TBCD: variants seen among roughly 807,000 people sequenced by gnomAD.
TBCD encodes tubulin-specific chaperone D.
A neutral mutation model predicts 169.3 loss-of-function variants in TBCD; 105 were observed. That is an observed-to-expected ratio of 0.62 (90% CI 0.53 to 0.73). TBCD has a LOEUF of 0.73. Ranked by LOEUF, TBCD falls within the 30% of genes least tolerant of loss-of-function variation. The pLI, the probability that TBCD is intolerant of heterozygous loss-of-function variation, is 0.00. For missense variants in TBCD, 1,444 were observed against 1,600.1 expected (o/e 0.90, Z 1.66); for synonymous variants, 700 against 643.9 (o/e 1.09, Z -1.32).
chr17:82,795,023 C>A (rs910771855), intron 7 of TBCD, among the ~76,000 whole-genome samples: 1 of 152,190 alleles, frequency 6.6e-6, no homozygotes, highest in African/African-American at 2.4e-5. Flanking sequence ...TGGGCCTTTC[C>A]AGGTGTGGGG....
intron 2 of TBCD, 22 bp downstream of exon 2, chr17:82,756,237 T>C (rs747345622): frequency 1.9e-6 from 3 of 1,600,552 alleles, no homozygotes; most frequent in Non-Finnish European, 2.6e-6. Context: ...AGCTGCTGAT[T>C]TTGATCATTC....
intron 5 of TBCD, among the ~76,000 whole-genome samples, chr17:82,772,106 A>G (rs2048341244): frequency 6.6e-6 from 1 of 152,150 alleles, no homozygotes; most frequent in South Asian, 2.1e-4. Context: ...GCTGGAAGGC[A>G]TATTAGGTGC....
chr17:82,878,212 C>G (rs1335018912), intron 14 of TBCD, among the ~76,000 whole-genome samples: 2 of 152,216 alleles, frequency 1.3e-5, no homozygotes, highest in African/African-American at 4.8e-5. Flanking sequence ...GCCTCCTCTG[C>G]TCTGTGAGCT....
At chr17:82,848,477 G>A (rs933447246) in intron 13 of TBCD, among the ~76,000 whole-genome samples, 3 of 152,148 alleles carry the variant, frequency 2.0e-5, no homozygotes, top group African/African-American at 2.4e-5. Context: ...CCTGAACCCC[G>A]ACAGCGAGGT....
intron 14 of TBCD, among the ~76,000 whole-genome samples, chr17:82,878,662 C>G (rs532761838): frequency 6.6e-6 from 1 of 152,326 alleles, no homozygotes; most frequent in African/African-American, 2.4e-5. Flanking sequence ...CTTGAGGAGA[C>G]TGTGTTTTCC....
chr17:82,752,178 T>A lies in TBCD; in HGVS notation c.-16T>A, dbSNP rs2047133156. 4.0e-6 allele frequency: 6 copies of A among 1,506,962 alleles called. No individual in the cohort carries two copies. In the South Asian group the frequency reaches 7.5e-5, roughly 19 times the overall value. The allele number at this position is 1,506,962 out of a possible 1,614,324, so 93.3% of individuals were successfully genotyped here. ...GCGAACACGTGAGGCGGGGGCGCGG[T>A]CCCCAGGCTGCCGAGATGGCCCTGA... On this transcript the variant is annotated 5_prime_UTR_variant, in exon 1 of 39. Coordinates refer to ENST00000355528, the MANE Select transcript of TBCD (RefSeq NM_005993.5).
At chr17:82,853,003 G>A (rs1452733897) in intron 13 of TBCD, among the ~76,000 whole-genome samples, 3 of 152,194 alleles carry the variant, frequency 2.0e-5, no homozygotes, top group Non-Finnish European at 4.4e-5. Context: ...TCCCGAGGAC[G>A]AGAGCTCGTG....
intron 26 of TBCD, among the ~76,000 whole-genome samples, chr17:82,924,479 C>T (rs183732862): frequency 7.1e-4 from 108 of 152,336 alleles, no homozygotes; most frequent in African/African-American, 2.4e-3. Context: ...CTTCATGAAT[C>T]GTACTTTTAT....
chr17:82,879,713 T>C (rs2146163201), intron 14 of TBCD, among the ~76,000 whole-genome samples: 1 of 152,274 alleles, frequency 6.6e-6, no homozygotes, highest in East Asian at 1.9e-4. Context: ...ACAGTCCGTC[T>C]CCCCCAAAAA....
chr17:82,847,356 G>GCAAAAA (rs1236836895), intron 13 of TBCD, among the ~76,000 whole-genome samples: 1 of 81,756 alleles, frequency 1.2e-5, no homozygotes, highest in Non-Finnish European at 2.4e-5. Context: ...CCATGTCAAA[G>GCAAAAA]AAAAAAAAAA....
rs2145479636 is a variant in TBCD at position 82,842,527 on chromosome 17, T to C, written c.1318+27593T>C. On this transcript the variant is annotated intron_variant, in intron 13 of 38. Transcript: ENST00000355528. ...ACCCAGGGGGTTTTGCCTGCCTCTC[T>C]CTTGCACTGGAAGGCCTGCTGCTCG... 1.3e-5 allele frequency among the ~76,000 whole-genome samples: 2 copies of C among 152,308 alleles called. 1 individual carries two copies. Among genetic ancestry groups the C allele is most frequent in the South Asian group, 4.1e-4 (2 of 4,826 alleles).
Position 82,927,911 on chromosome 17 carries a change from C to CA in TBCD, c.2618dup (p.Ala874GlyfsTer19). On this transcript the variant is annotated frameshift_variant, in exon 30 of 39. Transcript: ENST00000355528. LOFTEE classifies it high-confidence loss of function. ...CCTCTCCTTGTCCCATCAGGGTCCGCAAGGCCGCCATGACCAGTCTGATGG... is the reference window on the plus strand; with the variant it reads ...CCTCTCCTTGTCCCATCAGGGTCCGCAAAGGCCGCCATGACCAGTCTGATGG... The CA allele has an allele frequency of 6.2e-7, 1 of 1,613,496 alleles. No homozygotes were observed. The highest frequency in any genetic ancestry group is 8.5e-7 in the Non-Finnish European group (1 of 1,179,686).
chr17:82,931,333 A>C (rs2062183718), intron 33 of TBCD, among the ~76,000 whole-genome samples: 1 of 152,206 alleles, frequency 6.6e-6, no homozygotes, highest in African/African-American at 2.4e-5. Context: ...AGTTCGATCG[A>C]TTTTGATAGG....
chr17:82,892,312 G>A (rs1288184940), intron 16 of TBCD, among the ~76,000 whole-genome samples: 1 of 152,154 alleles, frequency 6.6e-6, no homozygotes, highest in African/African-American at 2.4e-5. Flanking sequence ...CCCAGGTTGT[G>A]GCACCTGCTG....
At chr17:82,828,855 C>T (rs2053202468) in intron 13 of TBCD, among the ~76,000 whole-genome samples, 1 of 149,804 alleles carries the variant, frequency 6.7e-6, no homozygotes, top group African/African-American at 2.5e-5. Flanking sequence ...ACACCCCTCC[C>T]ACATATGTAC....
Position 82,835,116 on chromosome 17 carries a change from T to C in TBCD, c.1318+20182T>C, listed in dbSNP as rs1051103193. 1.3e-5 allele frequency among the ~76,000 whole-genome samples: 2 copies of C among 151,936 alleles called. No homozygotes were observed. Among genetic ancestry groups the C allele is most frequent in the Non-Finnish European group, 2.9e-5 (2 of 67,968 alleles). On this transcript the variant is annotated intron_variant, in intron 13 of 38. Transcript: ENST00000355528. The surrounding 1 kb of genome is among the most constrained non-coding windows in gnomAD (Gnocchi z 4.5). Reference sequence around the variant, plus strand: ...TAAGAAAACTGTTTCAACTGCAGTATTTTTTTTAAGGAATGGGCAGATGTG... The same window carrying C: ...TAAGAAAACTGTTTCAACTGCAGTACTTTTTTTAAGGAATGGGCAGATGTG...
intron 32 of TBCD, 113 bp downstream of exon 32, chr17:82,929,613 C>T (rs1038922757): frequency 4.2e-6 from 6 of 1,423,384 alleles, no homozygotes; most frequent in Non-Finnish European, 5.8e-6. Context: ...TGCTTTCTAT[C>T]TCTCTCGGGC....
At chr17:82,778,967 T>C (rs983317526) in intron 6 of TBCD, among the ~76,000 whole-genome samples, 8 of 149,340 alleles carry the variant, frequency 5.4e-5, no homozygotes, top group Non-Finnish European at 1.0e-4. Context: ...CGGCCATGCC[T>C]GGCTAATTTT....
At chr17:82,834,007 C>T (rs1344965416) in intron 13 of TBCD, among the ~76,000 whole-genome samples, 1 of 151,912 alleles carries the variant, frequency 6.6e-6, no homozygotes, top group East Asian at 1.9e-4. Context: ...TGCCATGGCG[C>T]AATCTCAGCT....
Sources: gnomAD v4.1 joint callset for allele counts (sites outside exome capture counted in the v4.1 genomes callset) on GRCh38, gnomAD v4.1.1 for gene constraint, Gnocchi (gnomAD v3.1) non-coding constraint, MANE v1.5 for transcripts, NCBI Gene and HGNC (gene_info 2026-07-23, HGNC 2026-07-21) for gene names.